NRIP3: variants seen among roughly 807,000 people sequenced by gnomAD.
NRIP3 encodes the protein nuclear receptor interacting protein 3.
In NRIP3, 31 loss-of-function variants were observed where a neutral mutation model predicts 29.0. That is an observed-to-expected ratio of 1.07 (90% CI 0.80 to 1.44). The LOEUF (loss-of-function observed/expected upper bound fraction) is 1.44, where lower values mean the gene tolerates loss of function less well. Among genes scored for constraint, NRIP3 ranks in the 40% most tolerant of loss-of-function variants. The pLI, the probability that NRIP3 is intolerant of heterozygous loss-of-function variation, is 0.00. For missense variants in NRIP3, 314 were observed against 297.9 expected (o/e 1.05, Z -0.40); for synonymous variants, 131 against 118.3 (o/e 1.11, Z -0.70).
Position 8,983,387 on chromosome 11 carries a change from T to C in NRIP3, c.*158A>G. 1.6e-6 allele frequency: 1 copy of C among 644,544 alleles called. No individual in the cohort carries two copies. The highest frequency in any genetic ancestry group is 2.8e-6 in the Non-Finnish European group (1 of 361,956). The allele number at this position is 644,544 out of a possible 1,614,324, so 39.9% of individuals were successfully genotyped here. On this transcript the variant is annotated 3_prime_UTR_variant, in exon 7 of 7. Transcript: ENST00000309166. ...AGATCTCTAAGCATAGACTATAGTC[T>C]AGAGAGGTCTGAATGGGAAGGAGCC...
chr11:8,988,067 C>T, intron 2 of NRIP3, 51 bp downstream of exon 2: 1 of 1,581,602 alleles, frequency 6.3e-7, no homozygotes, highest in South Asian at 1.1e-5. Flanking sequence ...GGAGAGGGCC[C>T]CACATCCTAC....
At chr11:8,997,372 A>AAAT (rs1292838165) in intron 1 of NRIP3, among the ~76,000 whole-genome samples, 2 of 150,458 alleles carry the variant, frequency 1.3e-5, no homozygotes, top group East Asian at 3.9e-4. Context: ...AAAAAAAAAA[A>AAAT]AAAAAAGAAA....
Position 9,002,466 on chromosome 11 carries a change from CAG to C in NRIP3, c.174+1294_174+1295del, listed in dbSNP as rs949645191. 7.3e-5 allele frequency among the ~76,000 whole-genome samples: 11 copies of C among 151,502 alleles called. No homozygotes were observed. In the South Asian group the frequency reaches 1.7e-3, roughly 23 times the overall value. On this transcript the variant is annotated intron_variant, in intron 1 of 6. Coordinates refer to ENST00000309166, the MANE Select transcript of NRIP3 (RefSeq NM_020645.3). ...AAAAAAACACAACTTGTAAAAAAAA[CAG>C]AGCAAGATAACTGAAGTAGACAAAC...
chr11:8,989,925 C>T (rs1854571914), intron 1 of NRIP3, among the ~76,000 whole-genome samples: 1 of 152,196 alleles, frequency 6.6e-6, no homozygotes. Flanking sequence ...ACCACCTAAA[C>T]AAAGCCCTCT....
rs556634119 is a variant in NRIP3, at chr11:8,988,734, G to A, written c.175-452C>T. On this transcript the variant is annotated intron_variant, in intron 1 of 6. Coordinates refer to ENST00000309166, the MANE Select transcript of NRIP3 (RefSeq NM_020645.3). ...CATTTTCATAGGCTGAAGAAACTTAGCTAACACAGGTATTCAGAAGCTCTG... is the reference window on the plus strand; with the variant it reads ...CATTTTCATAGGCTGAAGAAACTTAACTAACACAGGTATTCAGAAGCTCTG... Among the ~76,000 whole-genome samples the A allele has an allele frequency of 1.6e-4, 24 of 152,296 alleles. No individual in the cohort carries two copies. In the East Asian group the frequency reaches 4.4e-3, roughly 28 times the overall value.
chr11:8,993,435 G>GTTAT (rs1854643011), intron 1 of NRIP3, among the ~76,000 whole-genome samples: 1 of 152,154 alleles, frequency 6.6e-6, no homozygotes, highest in Non-Finnish European at 1.5e-5. Flanking sequence ...ACCCAAAATA[G>GTTAT]TTATTTAACA....
Position 8,984,085 on chromosome 11 carries a change from A to C in NRIP3, c.602T>G (p.Leu201Arg). The C allele has an allele frequency of 6.2e-7, 1 of 1,613,070 alleles. No individual in the cohort carries two copies. Among genetic ancestry groups the C allele is most frequent in the Non-Finnish European group, 8.5e-7 (1 of 1,179,008 alleles). The change falls in exon 5 of 7, where the codon CTC becomes CGC. Residue 201 changes from leucine (L) to arginine (R), a missense_variant. Transcript: ENST00000309166. Reference protein sequence around the residue: ...EKNLSLGLQTLRSLKCIINLD... With the variant: ...EKNLSLGLQTRRSLKCIINLD... ...AGTCAATCTTACCTTCAGAGATCGG[A>C]GAGTCTGTAGACCAAGGGACAAGTT...
intron 4 of NRIP3, 136 bp from the exon 5 acceptor site, chr11:8,984,260 TTA>T: frequency 4.1e-6 from 2 of 489,680 alleles, no homozygotes; most frequent in Non-Finnish European, 6.8e-6. Flanking sequence ...TATTTTTTTT[TTA>T]TTTTTTTTTT....
intron 3 of NRIP3, among the ~76,000 whole-genome samples, chr11:8,986,558 T>C (rs1854525271): frequency 6.6e-6 from 1 of 152,214 alleles, no homozygotes; most frequent in South Asian, 2.1e-4. Context: ...TTTCCTCTAT[T>C]TCCTCTCTTT....
chr11:8,985,892 T>A, intron 3 of NRIP3, 42 bp from the exon 4 acceptor site: 1 of 1,607,986 alleles, frequency 6.2e-7, no homozygotes, highest in Non-Finnish European at 8.5e-7. Flanking sequence ...TTGACAGAGA[T>A]TCCTGGTAGA....
chr11:8,988,322 A>G (rs1854550043), intron 1 of NRIP3, 40 bp from the exon 2 acceptor site: 1 of 1,554,360 alleles, frequency 6.4e-7, no homozygotes, highest in Non-Finnish European at 8.8e-7. Flanking sequence ...GTGACAGGCC[A>G]CATCCCTCTT....
At chr11:8,993,290 G>C (rs1854640375) in intron 1 of NRIP3, among the ~76,000 whole-genome samples, 1 of 152,128 alleles carries the variant, frequency 6.6e-6, no homozygotes, top group Non-Finnish European at 1.5e-5. Flanking sequence ...ATTTTACATG[G>C]AAACTTTTTT....
intron 1 of NRIP3, 58 bp downstream of exon 1, chr11:9,003,704 G>A (rs936954192): frequency 1.6e-5 from 21 of 1,350,934 alleles, no homozygotes; most frequent in Non-Finnish European, 2.0e-5. Context: ...GCCGGGCCTC[G>A]GAAAACGGCG....
At position 8,987,556 on chromosome 11, in the gene NRIP3, G is replaced by T; in HGVS notation, c.414C>A (p.Asp138Glu). ...LYNLISLACVDRLGLKEHVKS... is the reference protein window; with the variant it reads ...LYNLISLACVERLGLKEHVKS... Reference sequence around the variant, plus strand: ...CACAAGTGCCTACTTACCCCAATCTGTCCACACAGGCCAAAGAGATGAGAT... The same window carrying T: ...CACAAGTGCCTACTTACCCCAATCTTTCCACACAGGCCAAAGAGATGAGAT... Residue 138 changes from aspartate to glutamate, a missense_variant, in exon 3 of 7, where the codon GAC becomes GAA. Physicochemically the swap from Asp to Glu is conservative, Grantham distance 45. Coordinates refer to ENST00000309166, the MANE Select transcript of NRIP3 (RefSeq NM_020645.3). 1.2e-6 allele frequency: 2 copies of T among 1,613,304 alleles called. No individual in the cohort carries two copies. The highest frequency in any genetic ancestry group is 2.2e-5 in the South Asian group (2 of 91,058).
At chr11:9,002,335 A>G (rs182500661) in intron 1 of NRIP3, among the ~76,000 whole-genome samples, 11 of 152,274 alleles carry the variant, frequency 7.2e-5, no homozygotes, top group Admixed American at 4.6e-4. Context: ...AAGAAGGGAA[A>G]AGAGAGTTAT....
upstream of NRIP3, chr11:9,004,067 C>G (rs1854869027): frequency 2.3e-6 from 2 of 870,778 alleles, no homozygotes; most frequent in Non-Finnish European, 3.2e-6. Flanking sequence ...AGCCAGTGCG[C>G]GCGCGGGGGG....
chr11:8,983,276 T>C lies in NRIP3; in HGVS notation c.*269A>G, dbSNP rs1178192463. The stretch of plus-strand genomic sequence containing the variant: ...CAAATTCCTGGAAGAAGCAGAGAAA[T>C]AGGCCACAAGTGAGACTGGCAGTGT... On this transcript the variant is annotated 3_prime_UTR_variant, in exon 7 of 7. Transcript: ENST00000309166. 7.4e-6 allele frequency: 4 copies of C among 540,114 alleles called. No homozygotes were observed. The highest frequency in any genetic ancestry group is 3.2e-5 in the East Asian group (1 of 31,288). The allele number at this position is 540,114 out of a possible 1,614,324, so 33.5% of individuals were successfully genotyped here.
intron 4 of NRIP3, 144 bp from the exon 5 acceptor site, chr11:8,984,268 T>A (rs906292942): frequency 2.8e-5 from 17 of 600,330 alleles, no homozygotes; most frequent in East Asian, 1.4e-4. Context: ...TTTTATTTTT[T>A]TTTTATTTTT....
chr11:8,997,310 T>C (rs1406265197), intron 1 of NRIP3, among the ~76,000 whole-genome samples: 2 of 127,758 alleles, frequency 1.6e-5, no homozygotes, highest in Non-Finnish European at 3.1e-5. Flanking sequence ...GGGAGGCGGA[T>C]CGCACCACTG....
Sources: allele counts gnomAD v4.1 joint callset (sites outside exome capture counted in the v4.1 genomes callset), GRCh38; gene constraint gnomAD v4.1.1; transcripts MANE v1.5; gene names NCBI Gene and HGNC (gene_info 2026-07-23, HGNC 2026-07-21).